ZNRF3: variants seen among roughly 807,000 people sequenced by gnomAD.
The protein encoded by ZNRF3 is E3 ubiquitin-protein ligase ZNRF3.
ZNRF3 carries 23 observed loss-of-function variants against 72.5 expected under a neutral mutation model. The observed-to-expected ratio is 0.32, with a 90% CI of 0.23 to 0.45. The LOEUF (loss-of-function observed/expected upper bound fraction) is 0.45. ZNRF3 is among the 20% of genes least tolerant of loss of function. The probability of loss-of-function intolerance (pLI) is 1.00; values close to 1 mark genes in which losing one functional copy is unlikely to be tolerated. For missense variants in ZNRF3, 1,169 were observed against 1,272.1 expected, an observed-to-expected ratio of 0.92 and a Z score of 1.23; for synonymous variants, 610 against 545.3, an observed-to-expected ratio of 1.12 and a Z score of -1.65.
intron 1 of ZNRF3, among the ~76,000 whole-genome samples, chr22:28,960,775 C>T (rs559858762): frequency 6.6e-6 from 1 of 152,216 alleles, no homozygotes; most frequent in South Asian, 2.1e-4. Context: ...CTGCCAGGCT[C>T]CTGCTCATTC....
intron 2 of ZNRF3, among the ~76,000 whole-genome samples, chr22:29,016,031 A>AC (rs1381749885): frequency 2.1e-5 from 3 of 142,090 alleles, no homozygotes; most frequent in Non-Finnish European, 4.6e-5. Flanking sequence ...AAAAAAAAAC[A>AC]AAAAAACTGA....
chr22:29,027,201 A>G (rs1362660164), intron 2 of ZNRF3, among the ~76,000 whole-genome samples: 2 of 151,950 alleles, frequency 1.3e-5, no homozygotes, highest in Non-Finnish European at 2.9e-5. Flanking sequence ...CCATTAGTCA[A>G]TCTCCAGGAA....
intron 1 of ZNRF3, among the ~76,000 whole-genome samples, chr22:28,901,113 A>G (rs1009768355): frequency 3.7e-4 from 57 of 152,270 alleles, no homozygotes; most frequent in Non-Finnish European, 1.0e-4. Flanking sequence ...CTGTCTCTAC[A>G]AAAATAAATA....
intron 1 of ZNRF3, among the ~76,000 whole-genome samples, chr22:28,912,962 G>A (rs922719021): frequency 2.2e-4 from 34 of 152,244 alleles, no homozygotes; most frequent in African/African-American, 6.5e-4. Flanking sequence ...CACCGCACCC[G>A]GCAGGGACAC....
intron 1 of ZNRF3, among the ~76,000 whole-genome samples, chr22:28,965,488 G>T (rs2035443769): frequency 6.6e-6 from 1 of 152,204 alleles, no homozygotes; most frequent in Non-Finnish European, 1.5e-5. Flanking sequence ...TTTAAACCCA[G>T]GCAGGCTGTG....
At chr22:28,966,261 C>CT (rs2035457349) in intron 1 of ZNRF3, among the ~76,000 whole-genome samples, 2 of 152,174 alleles carry the variant, frequency 1.3e-5, no homozygotes, top group African/African-American at 4.8e-5. Context: ...AAACTACTGC[C>CT]TATAGTCATG....
chr22:29,031,661 C>A, intron 2 of ZNRF3: 1 of 982,988 alleles, frequency 1.0e-6, no homozygotes, highest in Non-Finnish European at 1.2e-6. Flanking sequence ...TTAGTGGCCT[C>A]CAGAGGGAGG....
intron 1 of ZNRF3, among the ~76,000 whole-genome samples, chr22:28,952,917 G>T (rs1461210278): frequency 6.6e-6 from 1 of 152,184 alleles, no homozygotes; most frequent in Admixed American, 6.5e-5. Context: ...TTTGAGTTAA[G>T]TTTCAGGATA....
At chr22:28,939,764 A>G (rs1190940035) in intron 1 of ZNRF3, among the ~76,000 whole-genome samples, 1 of 152,134 alleles carries the variant, frequency 6.6e-6, no homozygotes, top group East Asian at 1.9e-4. Context: ...TGCTGTAGAA[A>G]GGGTTCACAT....
At chr22:28,911,248 G>A (rs574466761) in intron 1 of ZNRF3, among the ~76,000 whole-genome samples, 1 of 152,090 alleles carries the variant, frequency 6.6e-6, no homozygotes, top group Non-Finnish European at 1.5e-5. Context: ...TTAGGGGAGG[G>A]ATAAGAGGGG....
chr22:29,011,023 G>C (rs1159128521), intron 2 of ZNRF3, among the ~76,000 whole-genome samples: 2 of 152,138 alleles, frequency 1.3e-5, no homozygotes, highest in Admixed American at 6.5e-5. Context: ...TTCGTCACCT[G>C]TGCTTTCGGT....
chr22:28,994,968 C>G (rs993609726), intron 2 of ZNRF3, among the ~76,000 whole-genome samples: 1 of 152,202 alleles, frequency 6.6e-6, no homozygotes, highest in Non-Finnish European at 1.5e-5. Flanking sequence ...AATCTAGGTA[C>G]AATGAGGACA....
chr22:28,967,430 C>A (rs1046887501), intron 1 of ZNRF3, among the ~76,000 whole-genome samples: 1 of 152,182 alleles, frequency 6.6e-6, no homozygotes, highest in Non-Finnish European at 1.5e-5. Context: ...CAGAACATGA[C>A]CCCTGTCATG....
At chr22:28,988,935 C>T (rs1242515687) in intron 2 of ZNRF3, among the ~76,000 whole-genome samples, 2 of 152,272 alleles carry the variant, frequency 1.3e-5, no homozygotes, top group Middle Eastern at 3.4e-3. Flanking sequence ...TTGCTGAAGT[C>T]ACTCAGAGAA....
intron 1 of ZNRF3, among the ~76,000 whole-genome samples, chr22:28,949,762 A>G (rs748720535): frequency 6.6e-6 from 1 of 152,184 alleles, no homozygotes; most frequent in Non-Finnish European, 1.5e-5. Flanking sequence ...TTTTTGAGAA[A>G]ATGCCTGCCC....
intron 2 of ZNRF3, among the ~76,000 whole-genome samples, chr22:29,021,237 AAAAT>A (rs908346161): frequency 6.6e-5 from 10 of 151,780 alleles, no homozygotes; most frequent in African/African-American, 2.4e-4. Context: ...TGTCTCAAAA[AAAAT>A]AAATAAATAA....
chr22:28,945,446 C>G (rs1347239461), intron 1 of ZNRF3, among the ~76,000 whole-genome samples: 1 of 151,850 alleles, frequency 6.6e-6, no homozygotes, highest in Non-Finnish European at 1.5e-5. Flanking sequence ...AATCCCAGCA[C>G]TTGGAGAGGC....
At chr22:29,042,140 G>A (rs1162943576) in intron 2 of ZNRF3, among the ~76,000 whole-genome samples, 2 of 152,174 alleles carry the variant, frequency 1.3e-5, no homozygotes, top group Non-Finnish European at 2.9e-5. Context: ...CTAATTGACA[G>A]ATAATAATTG....
chr22:28,999,807 T>C (rs188050340), intron 2 of ZNRF3, among the ~76,000 whole-genome samples: 1 of 152,314 alleles, frequency 6.6e-6, no homozygotes, highest in East Asian at 1.9e-4. Flanking sequence ...TGTACTTGTA[T>C]AGCACCTGTG....
Sources: gnomAD v4.1 joint callset for allele counts (sites outside exome capture counted in the v4.1 genomes callset) on GRCh38, gnomAD v4.1.1 for gene constraint, MANE v1.5 for transcripts, NCBI Gene and HGNC (gene_info 2026-07-23, HGNC 2026-07-21) for gene names.